The following CAPZA1 variants were observed in gnomAD, a reference collection of about 807,000 sequenced individuals.
CAPZA1 encodes F-actin-capping protein subunit alpha-1.
A neutral mutation model predicts 40.8 loss-of-function variants in CAPZA1; 10 were observed. The ratio of observed to expected loss-of-function variants is 0.25; its 90% CI spans 0.15 to 0.42. CAPZA1 has a LOEUF of 0.42. Among genes scored for constraint, CAPZA1 ranks in the 10% least tolerant of loss-of-function variants. The pLI is 1.00. For missense variants in CAPZA1, 277 were observed against 353.8 expected (o/e 0.78, Z 1.74); for synonymous variants, 98 against 115.0 (o/e 0.85, Z 0.95).
intron 5 of CAPZA1, among the ~76,000 whole-genome samples, chr1:112,657,475 G>A (rs1419685457): frequency 6.6e-6 from 1 of 152,164 alleles, no homozygotes; most frequent in Non-Finnish European, 1.5e-5. Flanking sequence ...TGGTTCCTGA[G>A]TTACCTGGTC....
In CAPZA1 at chr1:112,668,237, C is replaced by T. The variant is rs186775053; in HGVS notation, c.657+1092C>T. Among the ~76,000 whole-genome samples the T allele has an allele frequency of 2.6e-5, 4 of 152,234 alleles. No individual in the cohort carries two copies. In the East Asian group the frequency reaches 5.8e-4, roughly 22 times the overall value. On this transcript the variant is annotated intron_variant, in intron 8 of 9. Coordinates refer to ENST00000263168, the MANE Select transcript of CAPZA1 (RefSeq NM_006135.3). Reference sequence around the variant, plus strand: ...GCTGCAGTGAGCCAAGATCGTGCCACTGCACTTCAGCCTGGGTGACAGAAT... The same window carrying T: ...GCTGCAGTGAGCCAAGATCGTGCCATTGCACTTCAGCCTGGGTGACAGAAT...
At chr1:112,652,302 A>T (rs1156375934) in intron 3 of CAPZA1, among the ~76,000 whole-genome samples, 1 of 151,822 alleles carries the variant, frequency 6.6e-6, no homozygotes, top group East Asian at 1.9e-4. Flanking sequence ...ACCAACATAG[A>T]GAAACCCAGT....
intron 3 of CAPZA1, among the ~76,000 whole-genome samples, chr1:112,652,404 G>A (rs1425320156): frequency 4.0e-5 from 6 of 151,240 alleles, no homozygotes; most frequent in East Asian, 1.9e-4. Flanking sequence ...GCTTGAACCC[G>A]GGAAGTGGAG....
intron 1 of CAPZA1, chr1:112,620,420 C>A (rs3795820): frequency 0.8 from 122,618 of 152,600 alleles, 49,654 homozygotes; most frequent in East Asian, 0.91. Flanking sequence ...TGTCCATCTC[C>A]CTACACATGC....
chr1:112,659,810 A>G (rs1002600521), intron 7 of CAPZA1, 31 bp downstream of exon 7: 3 of 1,533,774 alleles, frequency 2.0e-6, no homozygotes, highest in Non-Finnish European at 1.8e-6. Context: ...TAGACTTAAA[A>G]CTTCACATCT....
intron 3 of CAPZA1, among the ~76,000 whole-genome samples, chr1:112,651,805 T>C (rs1671391718): frequency 6.6e-6 from 1 of 152,140 alleles, no homozygotes. Context: ...ATGTGGTGTT[T>C]TAAGGAGTAA....
At position 112,670,269 on chromosome 1, in the gene CAPZA1, A is replaced by G. The variant is rs879857260; in HGVS notation, c.*137A>G. On this transcript the variant is annotated 3_prime_UTR_variant, in exon 10 of 10. Transcript: ENST00000263168. ...TTAACCGGTTTTCTAGCCTCATGGA[A>G]TACTGTTGAACCTATAGCGTTGTCT... The G allele has an allele frequency of 7.8e-6, 7 of 902,962 alleles. No homozygotes were observed. The highest frequency in any genetic ancestry group is 1.2e-5 in the Non-Finnish European group (7 of 587,236). 55.9% of individuals were successfully genotyped at this position (902,962 alleles called of 1,614,324 possible). A position where few individuals can be genotyped will look rare whatever the true frequency, so the allele number is the denominator to read the frequency against.
chr1:112,628,754 C>T (rs1441991987), intron 1 of CAPZA1, among the ~76,000 whole-genome samples: 2 of 152,170 alleles, frequency 1.3e-5, no homozygotes, highest in Non-Finnish European at 2.9e-5. Context: ...GTCTGCCCGC[C>T]CTTGGTTAAT....
chr1:112,627,009 A>G (rs1254119645), intron 1 of CAPZA1, among the ~76,000 whole-genome samples: 1 of 152,200 alleles, frequency 6.6e-6, no homozygotes, highest in Non-Finnish European at 1.5e-5. Context: ...TTTTGTGCTA[A>G]CTATGTATTA....
At chr1:112,623,710 G>A (rs544324121) in intron 1 of CAPZA1, among the ~76,000 whole-genome samples, 110 of 150,008 alleles carry the variant, frequency 7.3e-4, no homozygotes, top group African/African-American at 2.3e-3. Flanking sequence ...AAGAAAGCCC[G>A]GGCGCGGTGG....
rs371904197 is a variant in CAPZA1 at position 112,638,476 on chromosome 1, G to T, written c.40-8734G>T. 3.1e-3 allele frequency among the ~76,000 whole-genome samples: 464 copies of T among 151,844 alleles called. 4 individuals are homozygous for T. Among genetic ancestry groups the T allele is most frequent in the African/African-American group, 0.011 (436 of 41,454 alleles). On this transcript the variant is annotated intron_variant, in intron 1 of 9. Coordinates refer to ENST00000263168, the MANE Select transcript of CAPZA1 (RefSeq NM_006135.3). ...ATTACAGGTGCCCACCACTACGCCC[G>T]GCTAGTGTTTATATTTTTAGTAGAG... is the stretch of plus-strand genomic sequence containing the variant.
intron 5 of CAPZA1, 33 bp from the exon 6 acceptor site, chr1:112,658,989 G>T: frequency 6.9e-7 from 1 of 1,449,524 alleles, no homozygotes; most frequent in African/African-American, 1.4e-5. Context: ...AAAGTGTTTG[G>T]AGTCTTTAAC....
At chr1:112,636,409 C>G (rs1156524354) in intron 1 of CAPZA1, among the ~76,000 whole-genome samples, 1 of 152,008 alleles carries the variant, frequency 6.6e-6, no homozygotes. Flanking sequence ...TTTTAAATCC[C>G]CCCTTTTTAG....
Position 112,654,947 on chromosome 1 carries a change from G to T in CAPZA1, c.426+276G>T, listed in dbSNP as rs1671468562. Among the ~76,000 whole-genome samples, 4 of 152,034 alleles carry T rather than the reference G, an allele frequency of 2.6e-5. No individual in the cohort carries two copies. In the South Asian group the frequency reaches 8.3e-4, roughly 32 times the overall value. On this transcript the variant is annotated intron_variant, in intron 5 of 9. Transcript: ENST00000263168. ...AATGCCTTACACCCATCAGAAAAAG[G>T]TCTTTGGTTTTTCTTTTTTTCTTTC... is the stretch of plus-strand genomic sequence containing the variant.
At chr1:112,646,714 T>TA (rs1466535850) in intron 1 of CAPZA1, 1 of 152,032 alleles carries the variant, frequency 6.6e-6, no homozygotes, top group Non-Finnish European at 1.5e-5. Flanking sequence ...TTTGGTTTTT[T>TA]ATGATATTGG....
chr1:112,641,607 AGGCCG>A (rs1671164939), intron 1 of CAPZA1, among the ~76,000 whole-genome samples: 1 of 152,056 alleles, frequency 6.6e-6, no homozygotes, highest in South Asian at 2.1e-4. Flanking sequence ...ATTAAAACTG[AGGCCG>A]GGCGCAGTGG....
At chr1:112,658,812 T>C (rs1372994861) in intron 5 of CAPZA1, among the ~76,000 whole-genome samples, 1 of 152,174 alleles carries the variant, frequency 6.6e-6, no homozygotes, top group African/African-American at 2.4e-5. Context: ...AAGAGCAGTA[T>C]TTCCCTCTGT....
At chr1:112,632,947 C>T (rs1416836089) in intron 1 of CAPZA1, among the ~76,000 whole-genome samples, 1 of 152,184 alleles carries the variant, frequency 6.6e-6, no homozygotes, top group East Asian at 1.9e-4. Context: ...TATCTTTATG[C>T]TTTCAAGTCT....
At position 112,621,761 on chromosome 1, in the gene CAPZA1, GT is replaced by G. The variant is rs11418884; in HGVS notation, c.39+1896del. ...AATAACATTAATGTCTTGGGTTATGGTTTTTTTTTTTTTTTTTTGAGATGGA... is the reference window on the plus strand; with the variant it reads ...AATAACATTAATGTCTTGGGTTATGGTTTTTTTTTTTTTTTTTGAGATGGA... On this transcript the variant is annotated intron_variant, in intron 1 of 9. Coordinates refer to ENST00000263168, the MANE Select transcript of CAPZA1 (RefSeq NM_006135.3). Among the ~76,000 whole-genome samples the G allele has an allele frequency of 5.1e-3, 622 of 122,858 alleles. 1 individual carries two copies. Among genetic ancestry groups the G allele is most frequent in the African/African-American group, 0.017 (532 of 31,972 alleles). The allele number at this position is 122,858 out of a possible 152,430, so 80.6% of individuals were successfully genotyped here. A position where few individuals can be genotyped will look rare whatever the true frequency, so the allele number is the denominator to read the frequency against.
Sources: gnomAD v4.1 joint callset for allele counts (sites outside exome capture counted in the v4.1 genomes callset) on GRCh38, gnomAD v4.1.1 for gene constraint, MANE v1.5 for transcripts, NCBI Gene and HGNC (gene_info 2026-07-23, HGNC 2026-07-21) for gene names.